The following CRB1 variants were observed in gnomAD, a reference collection of about 807,000 sequenced individuals.
CRB1 encodes the protein protein crumbs homolog 1.
A neutral mutation model predicts 120.0 loss-of-function variants in CRB1; 83 were observed. The observed-to-expected ratio is 0.69, with a 90% CI of 0.58 to 0.83. The LOEUF (loss-of-function observed/expected upper bound fraction) is 0.83. CRB1 is among the 40% of genes least tolerant of loss of function. CRB1 has a pLI of 0.00. For missense variants in CRB1, 1,699 were observed against 1,687.6 expected, an observed-to-expected ratio of 1.01 and a Z score of -0.12; for synonymous variants, 625 against 612.5, an observed-to-expected ratio of 1.02 and a Z score of -0.30.
At chr1:197,441,659 CTTTTTTTTTTTTTTTT>C (rs5779872) in intron 10 of CRB1, 1 of 68,198 alleles carries the variant, frequency 1.5e-5, no homozygotes, top group African/African-American at 5.8e-5. Flanking sequence ...TTCCCTCCTT[CTTTTTTTTTTTTTTTT>C]TTTTTTTTGG....
At chr1:197,238,662 A>G in the CRB1 span, among the ~76,000 whole-genome samples, 1 of 152,134 alleles carries the variant, frequency 6.6e-6, no homozygotes, top group Admixed American at 6.5e-5. Flanking sequence ...CCTGACCAAC[A>G]TGGAGAAACC....
In CRB1 at chr1:197,347,460, C is replaced by T. The variant is rs1571878231; in HGVS notation, c.969C>T (p.Tyr323=). ...CATGTGAGGACAGTGTTGACAATTA[C>T]ACTTGTCACTGCTGGCCTGGTGAGT... ...NATCEDSVDN[Y]TCHCWPGYTG... is the part of the protein sequence containing the mutation. The change falls in exon 4 of 12, where the codon TAC becomes TAT. Residue 323 remains tyrosine (Y), a synonymous_variant. Transcript: ENST00000367400. The T allele has an allele frequency of 1.2e-6, 2 of 1,614,152 alleles. No homozygotes were observed. The highest frequency in any genetic ancestry group is 1.7e-4 in the Middle Eastern group (1 of 6,060).
intron 1 of CRB1, among the ~76,000 whole-genome samples, chr1:197,306,324 A>G (rs1657174479): frequency 6.6e-6 from 1 of 152,212 alleles, no homozygotes; most frequent in Non-Finnish European, 1.5e-5. Context: ...AGTCCAGCCA[A>G]TAATAAAAAG....
At chr1:197,347,258 A>G in intron 3 of CRB1, 82 bp from the exon 4 acceptor site, 2 of 1,290,316 alleles carry the variant, frequency 1.6e-6, no homozygotes, top group African/African-American at 1.5e-5. Flanking sequence ...TCTTGGGTTG[A>G]TAGACAGTTG....
At chr1:197,240,625 T>C in the CRB1 span, among the ~76,000 whole-genome samples, 1 of 152,152 alleles carries the variant, frequency 6.6e-6, no homozygotes, top group African/African-American at 2.4e-5. Context: ...TGATGCGCAT[T>C]TGGTTTGGTT....
intron 7 of CRB1, 197 bp from the exon 8 acceptor site, chr1:197,429,252 C>T: frequency 2.2e-6 from 3 of 1,387,550 alleles, no homozygotes; most frequent in Non-Finnish European, 2.9e-6. Flanking sequence ...TCTGCCACCA[C>T]TCTGCCCTTT....
intron 5 of CRB1, among the ~76,000 whole-genome samples, chr1:197,395,962 C>T (rs768834991): frequency 2.6e-5 from 4 of 152,122 alleles, no homozygotes; most frequent in Non-Finnish European, 5.9e-5. Flanking sequence ...CTTACCACTT[C>T]TATTCTACAT....
intron 1 of CRB1, among the ~76,000 whole-genome samples, chr1:197,321,848 A>G (rs1213231203): frequency 2.0e-5 from 3 of 152,206 alleles, no homozygotes; most frequent in South Asian, 2.1e-4. Context: ...TTTGCATTGG[A>G]CTTCTAACAA....
the CRB1 span, among the ~76,000 whole-genome samples, chr1:197,258,116 G>C: frequency 6.6e-6 from 1 of 152,058 alleles, no homozygotes; most frequent in Non-Finnish European, 1.5e-5. Context: ...TAACACAATA[G>C]GGTGACTATA....
At chr1:197,326,440 G>A (rs1451093456) in intron 1 of CRB1, among the ~76,000 whole-genome samples, 4 of 151,910 alleles carry the variant, frequency 2.6e-5, no homozygotes, top group Non-Finnish European at 5.9e-5. Context: ...CCACCCTGGC[G>A]GCAACATGGT....
rs766427982 is a variant in CRB1 at position 197,356,952 on chromosome 1, T to G, written c.1110T>G (p.Pro370=). 9 of 1,614,152 alleles carry G rather than the reference T, an allele frequency of 5.6e-6. No homozygotes were observed. The Admixed American group carries it at 6.7e-5, about 12-fold the overall frequency. Reference sequence around the variant, plus strand: ...AATATGGACGCATCACTGGACTGCCTTCTTCTTTCAGCTACCATGAAGCCT... The same window carrying G: ...AATATGGACGCATCACTGGACTGCCGTCTTCTTTCAGCTACCATGAAGCCT... ...EKQYGRITGL[P]SSFSYHEASG... Residue 370 remains proline (P), a synonymous_variant, in exon 5 of 12, where the codon CCT becomes CCG. Transcript: ENST00000367400.
chr1:197,401,548 A>T (rs1449001439), intron 5 of CRB1, among the ~76,000 whole-genome samples: 1 of 152,182 alleles, frequency 6.6e-6, no homozygotes, highest in African/African-American at 2.4e-5. Context: ...ATTTTTGAAG[A>T]ATAACCTTGA....
chr1:197,392,781 A>T (rs1366045874), intron 5 of CRB1, among the ~76,000 whole-genome samples: 2 of 152,100 alleles, frequency 1.3e-5, no homozygotes, highest in African/African-American at 4.8e-5. Context: ...AGTTCACCAG[A>T]TCTTCAGTGG....
At chr1:197,295,707 T>C (rs878907875) in intron 1 of CRB1, among the ~76,000 whole-genome samples, 2 of 152,042 alleles carry the variant, frequency 1.3e-5, no homozygotes, top group African/African-American at 2.4e-5. Context: ...TCCACCCACA[T>C]GATTAAGATT....
the CRB1 span, among the ~76,000 whole-genome samples, chr1:197,211,351 G>C: frequency 1.3e-5 from 2 of 152,284 alleles, no homozygotes; most frequent in South Asian, 2.1e-4. Flanking sequence ...TGCTTCCTTA[G>C]TCTGTGCCAC....
At chr1:197,374,831 C>T (rs1044701545) in intron 5 of CRB1, among the ~76,000 whole-genome samples, 2 of 152,108 alleles carry the variant, frequency 1.3e-5, no homozygotes, top group African/African-American at 2.4e-5. Context: ...GTCACAGATA[C>T]GTTGCCTTCT....
the CRB1 span, among the ~76,000 whole-genome samples, chr1:197,240,298 C>T: frequency 6.6e-6 from 1 of 152,024 alleles, no homozygotes; most frequent in Non-Finnish European, 1.5e-5. Context: ...ATACACGTGC[C>T]ATGGTGGTTC....
chr1:197,423,165 G>A (rs1242892957), intron 6 of CRB1, among the ~76,000 whole-genome samples: 1 of 152,166 alleles, frequency 6.6e-6, no homozygotes, highest in Non-Finnish European at 1.5e-5. Flanking sequence ...ATAACAAACA[G>A]ATGCTGACTC....
At chr1:197,319,067 T>C (rs1305622941) in intron 1 of CRB1, among the ~76,000 whole-genome samples, 1 of 151,634 alleles carries the variant, frequency 6.6e-6, no homozygotes, top group East Asian at 1.9e-4. Context: ...TATCTTCTAA[T>C]AAATGAATAT....
Sources: gnomAD v4.1 joint callset for allele counts (sites outside exome capture counted in the v4.1 genomes callset) on GRCh38, gnomAD v4.1.1 for gene constraint, MANE v1.5 for transcripts, NCBI Gene and HGNC (gene_info 2026-07-23, HGNC 2026-07-21) for gene names.